The following ANO3 variants were observed in gnomAD, a reference collection of about 807,000 sequenced individuals.
ANO3 encodes anoctamin 3.
A neutral mutation model predicts 144.8 loss-of-function variants in ANO3; 99 were observed. That is an observed-to-expected ratio of 0.68 (90% confidence interval 0.58 to 0.81). The LOEUF (loss-of-function observed/expected upper bound fraction) is 0.81, where lower values mean the gene tolerates loss of function less well. Ranked by LOEUF, ANO3 falls within the 30% of genes least tolerant of loss-of-function variation. The pLI is 0.00. For synonymous variants in ANO3, 414 were observed against 392.6 expected, an observed-to-expected ratio of 1.05 and a Z score of -0.64; for missense variants, 905 against 1,202.2, an observed-to-expected ratio of 0.75 and a Z score of 3.66.
chr11:26,369,188 G>A (rs761925795), intron 1 of ANO3, among the ~76,000 whole-genome samples: 1 of 152,078 alleles, frequency 6.6e-6, no homozygotes, highest in Non-Finnish European at 1.5e-5. Context: ...GAAGTGTGGA[G>A]GTGAGTAGTG....
intron 1 of ANO3, among the ~76,000 whole-genome samples, chr11:26,375,026 G>A (rs1856366247): frequency 6.6e-6 from 1 of 152,146 alleles, no homozygotes; most frequent in Admixed American, 6.5e-5. Context: ...TTACAGGCGT[G>A]AGCCACCATG....
intron 11 of ANO3, among the ~76,000 whole-genome samples, chr11:26,546,797 A>G (rs1849800970): frequency 6.6e-6 from 1 of 151,976 alleles, no homozygotes; most frequent in African/African-American, 2.4e-5. Context: ...ACACAGCTCT[A>G]CCTTTTAGCA....
At chr11:26,199,256 T>C (rs1459628257) in intron 1 of ANO3, among the ~76,000 whole-genome samples, 1 of 152,102 alleles carries the variant, frequency 6.6e-6, no homozygotes, top group African/African-American at 2.4e-5. Context: ...GCAGCTAAAA[T>C]AGATGGAAAC....
At chr11:26,281,503 T>C (rs1853678684) in intron 1 of ANO3, among the ~76,000 whole-genome samples, 1 of 152,142 alleles carries the variant, frequency 6.6e-6, no homozygotes, top group Non-Finnish European at 1.5e-5. Flanking sequence ...AGGTTCTTCT[T>C]CACACTTAAA....
At chr11:26,504,197 T>A (rs10767540) in intron 4 of ANO3, among the ~76,000 whole-genome samples, 91,069 of 152,102 alleles carry the variant, frequency 0.6, 27,958 homozygotes, top group East Asian at 0.68. Context: ...TAATTGTGTG[T>A]TTCTTCATTT....
intron 14 of ANO3, among the ~76,000 whole-genome samples, chr11:26,564,760 T>TCTG (rs1850490306): frequency 1.1e-5 from 1 of 87,814 alleles, no homozygotes; most frequent in Non-Finnish European, 2.3e-5. Context: ...TATATATATA[T>TCTG]ATATATATAT....
chr11:26,605,873 T>C (rs933634260), intron 17 of ANO3, among the ~76,000 whole-genome samples: 1 of 151,226 alleles, frequency 6.6e-6, no homozygotes, highest in East Asian at 1.9e-4. Context: ...GTTAATCTTT[T>C]AAAAAAAAAC....
At position 26,408,789 on chromosome 11, in the gene ANO3, G is replaced by A. The variant is rs1042246436; in HGVS notation, c.47-33129G>A. Among the ~76,000 whole-genome samples, 98 of 151,862 alleles carry A rather than the reference G, an allele frequency of 6.5e-4. No homozygotes were observed. The South Asian group carries it at 8.5e-3, about 13-fold the overall frequency. On this transcript the variant is annotated intron_variant, in intron 1 of 26. Transcript: ENST00000256737. Reference sequence around the variant, plus strand: ...GCGCATATACACCATGGAATACTATGCAGCCATAAAAAATGAAGAGTTCAT... The same window carrying A: ...GCGCATATACACCATGGAATACTATACAGCCATAAAAAATGAAGAGTTCAT...
chr11:26,409,142 A>G (rs1857369952), intron 1 of ANO3, among the ~76,000 whole-genome samples: 1 of 143,286 alleles, frequency 7.0e-6, no homozygotes, highest in Non-Finnish European at 1.5e-5. Context: ...AAAAAAAAAG[A>G]ACCAGCTTAG....
intron 4 of ANO3, among the ~76,000 whole-genome samples, chr11:26,489,003 G>C (rs1032717008): frequency 1.3e-5 from 2 of 152,158 alleles, no homozygotes; most frequent in African/African-American, 4.8e-5. Flanking sequence ...GACACAGAGT[G>C]ATGATTGGTA....
At position 26,227,939 on chromosome 11, in the gene ANO3, A is replaced by T. The variant is rs367768840; in HGVS notation, c.154+38609A>T. On this transcript the variant is annotated intron_variant, in intron 1 of 27. Coordinates refer to the ANO3 transcript ENST00000672621. Reference sequence around the variant, plus strand: ...AAGTCAGCCCAAAGTAAAAGAAAAAAAGTGGCATAAAGTTTAAAAACTTAA... The same window carrying T: ...AAGTCAGCCCAAAGTAAAAGAAAAATAGTGGCATAAAGTTTAAAAACTTAA... Among the ~76,000 whole-genome samples, 52 of 152,332 alleles carry T rather than the reference A, an allele frequency of 3.4e-4. 1 individual carries two copies. In the East Asian group the frequency reaches 9.1e-3, roughly 27 times the overall value.
At chr11:26,225,645 T>G (rs1387475341) in intron 1 of ANO3, among the ~76,000 whole-genome samples, 1 of 152,172 alleles carries the variant, frequency 6.6e-6, no homozygotes, top group Non-Finnish European at 1.5e-5. Flanking sequence ...CAATCATTTT[T>G]GGTAACATAT....
At chr11:26,617,544 T>C (rs949662294) in intron 17 of ANO3, among the ~76,000 whole-genome samples, 11 of 152,356 alleles carry the variant, frequency 7.2e-5, no homozygotes, top group Middle Eastern at 3.4e-3. Flanking sequence ...CTTAGTGCTA[T>C]AAAACAATCA....
At chr11:26,454,971 A>AG (rs1294624739) in intron 3 of ANO3, among the ~76,000 whole-genome samples, 1 of 147,518 alleles carries the variant, frequency 6.8e-6, no homozygotes, top group Non-Finnish European at 1.5e-5. Context: ...AAAGACAAAA[A>AG]CCACATGATT....
At chr11:26,368,668 G>A (rs1564986655) in intron 1 of ANO3, among the ~76,000 whole-genome samples, 1 of 151,824 alleles carries the variant, frequency 6.6e-6, no homozygotes, top group Non-Finnish European at 1.5e-5. Context: ...GGAAAAGTGT[G>A]TGTCTGTGTG....
upstream of ANO3, chr11:26,332,124 T>C: frequency 3.3e-6 from 5 of 1,494,494 alleles, no homozygotes; most frequent in Non-Finnish European, 4.4e-6. Flanking sequence ...GGCGGGCGCG[T>C]AGCCTGGAGA....
intron 1 of ANO3, among the ~76,000 whole-genome samples, chr11:26,203,198 G>T (rs1039899216): frequency 6.6e-6 from 1 of 152,060 alleles, no homozygotes; most frequent in Non-Finnish European, 1.5e-5. Context: ...GGTCAATTTT[G>T]CTTATTTTGC....
intron 6 of ANO3, among the ~76,000 whole-genome samples, chr11:26,521,880 T>C (rs1366216994): frequency 6.6e-6 from 1 of 152,204 alleles, no homozygotes; most frequent in Non-Finnish European, 1.5e-5. Flanking sequence ...AATTTGGGGC[T>C]ATATTTGTAA....
chr11:26,306,893 C>A (rs1430248198), upstream of ANO3, among the ~76,000 whole-genome samples: 2 of 151,908 alleles, frequency 1.3e-5, no homozygotes, highest in Non-Finnish European at 2.9e-5. Flanking sequence ...TTTGAGGTTT[C>A]TTTTGTAATG....
Sources: gnomAD v4.1 joint callset for allele counts (sites outside exome capture counted in the v4.1 genomes callset) on GRCh38, gnomAD v4.1.1 for gene constraint, MANE v1.5 for transcripts, NCBI Gene and HGNC (gene_info 2026-07-23, HGNC 2026-07-21) for gene names.